The following PRSS35 variants were observed in gnomAD, a reference collection of about 807,000 sequenced individuals.
PRSS35 encodes the protein inactive serine protease 35.
Under a neutral mutation model 8.1 loss-of-function variants are expected in PRSS35, and 7 were observed. The ratio of observed to expected loss-of-function variants is 0.86; its 90% CI spans 0.49 to 1.62. The LOEUF is 1.62. Among genes scored for constraint, PRSS35 ranks in the 40% most tolerant of loss-of-function variants. The probability of loss-of-function intolerance (pLI) is 0.00; values close to 1 mark genes in which losing one functional copy is unlikely to be tolerated. For missense variants in PRSS35, 566 were observed against 518.0 expected, an observed-to-expected ratio of 1.09 and a Z score of -0.90; for synonymous variants, 199 against 188.7, an observed-to-expected ratio of 1.05 and a Z score of -0.45.
chr6:83,517,279 T>A (rs1771740524), intron 1 of PRSS35, among the ~76,000 whole-genome samples: 2 of 152,214 alleles, frequency 1.3e-5, no homozygotes, highest in Admixed American at 1.3e-4. Context: ...ACTGCCCCCA[T>A]AATCATTGAA....
intron 1 of PRSS35, among the ~76,000 whole-genome samples, chr6:83,515,610 C>A (rs1466639280): frequency 6.6e-6 from 1 of 151,802 alleles, no homozygotes; most frequent in Non-Finnish European, 1.5e-5. Flanking sequence ...CTTAGGTGAT[C>A]CTCCCAACTC....
chr6:83,523,304 G>A, intron 1 of PRSS35, 118 bp from the exon 2 acceptor site: 1 of 749,870 alleles, frequency 1.3e-6, no homozygotes, highest in South Asian at 1.9e-5. Context: ...TAGGTAAGGT[G>A]AAAATAAGGA....
rs1287467578 is a variant in PRSS35, at chr6:83,521,297, G to A, written c.-20-2125G>A. Among the ~76,000 whole-genome samples the A allele has an allele frequency of 4.0e-5, 6 of 151,776 alleles. No homozygotes were observed. The South Asian group carries it at 6.2e-4, about 16-fold the overall frequency. ...AAGCGCTCAGTAGAGTTACTGAGTTGTGAGCCTTTTTCATTCTAATTAAAT... is the reference window on the plus strand; with the variant it reads ...AAGCGCTCAGTAGAGTTACTGAGTTATGAGCCTTTTTCATTCTAATTAAAT... On this transcript the variant is annotated intron_variant, in intron 1 of 1. Coordinates refer to ENST00000369700, the MANE Select transcript of PRSS35 (RefSeq NM_153362.3).
intron 1 of PRSS35, among the ~76,000 whole-genome samples, 176 bp from the exon 2 acceptor site, chr6:83,523,246 A>G (rs1195148632): frequency 1.3e-5 from 2 of 152,128 alleles, no homozygotes; most frequent in African/African-American, 4.8e-5. Flanking sequence ...TGATTTTGGA[A>G]GTCTGTGTGA....
Position 83,524,646 on chromosome 6 carries a change from G to A in PRSS35, c.1205G>A (p.Trp402Ter). 2 of 1,612,964 alleles carry A rather than the reference G, an allele frequency of 1.2e-6. No individual in the cohort carries two copies. The highest frequency in any genetic ancestry group is 2.2e-5 in the South Asian group (2 of 90,764). ...CTAAAATACGCCCAGATTTGCCTCTGGATTCACGGGAACGATGCCAATTGT... is the reference window on the plus strand; with the variant it reads ...CTAAAATACGCCCAGATTTGCCTCTAGATTCACGGGAACGATGCCAATTGT... ...TPLKYAQICL[W>*]IHGNDANCAY... Residue 402 changes from tryptophan to a stop codon, truncating the protein, a stop_gained, in exon 2 of 2, where the codon TGG (tryptophan) becomes TAG (stop). Coordinates refer to ENST00000369700, the MANE Select transcript of PRSS35 (RefSeq NM_153362.3). LOFTEE classifies it high-confidence loss of function.
chr6:83,521,189 C>T (rs1282463609), intron 1 of PRSS35, among the ~76,000 whole-genome samples: 2 of 151,894 alleles, frequency 1.3e-5, no homozygotes, highest in East Asian at 3.9e-4. Flanking sequence ...TGTTGATAAG[C>T]TAAGTAGCAG....
rs777273680 is a variant in PRSS35, at chr6:83,524,335, G to C, written c.894G>C (p.Thr298=). ...KKYMELGISP[T]IKKMPGGMIH... ...ACATGGAACTTGGAATCAGCCCAAC[G>C]ATCAAGAAAATGCCTGGTGGAATGA... is the stretch of plus-strand genomic sequence containing the variant. The change falls in exon 2 of 2, where the codon ACG becomes ACC. Residue 298 remains threonine, a synonymous_variant. Transcript: ENST00000369700. The C allele has an allele frequency of 6.2e-7, 1 of 1,614,150 alleles. No homozygotes were observed. The highest frequency in any genetic ancestry group is 1.7e-5 in the Admixed American group (1 of 60,016).
At position 83,524,776 on chromosome 6, in the gene PRSS35, A is replaced by T. The variant is rs1347929834; in HGVS notation, c.*93A>T. On this transcript the variant is annotated 3_prime_UTR_variant, in exon 2 of 2. Transcript: ENST00000369700. ...AGATCACTTCATAGGTTATGCCTGG[A>T]CTTGAACTCTGTCAATAGCATTTCA... The T allele has an allele frequency of 2.3e-6, 3 of 1,281,378 alleles. No homozygotes were observed. The highest frequency in any genetic ancestry group is 3.2e-6 in the Non-Finnish European group (3 of 940,704). 79.4% of individuals were successfully genotyped at this position (1,281,378 alleles called of 1,614,324 possible). A position where few individuals can be genotyped will look rare whatever the true frequency, so the allele number is the denominator to read the frequency against.
At chr6:83,516,787 C>T (rs1161073858) in intron 1 of PRSS35, among the ~76,000 whole-genome samples, 1 of 152,220 alleles carries the variant, frequency 6.6e-6, no homozygotes, top group East Asian at 1.9e-4. Flanking sequence ...CTCTGGCCTC[C>T]GCTTACATCT....
At chr6:83,519,393 C>T (rs893584782) in intron 1 of PRSS35, among the ~76,000 whole-genome samples, 18 of 152,058 alleles carry the variant, frequency 1.2e-4, no homozygotes, top group African/African-American at 4.1e-4. Flanking sequence ...GTGAAGGTCA[C>T]AGTTATATTG....
chr6:83,521,509 T>TC (rs1253368153), intron 1 of PRSS35, among the ~76,000 whole-genome samples: 5 of 36,910 alleles, frequency 1.4e-4, no homozygotes, highest in East Asian at 1.3e-3. Context: ...TTCCCTCACC[T>TC]CCCCCCCTCC....
intron 1 of PRSS35, among the ~76,000 whole-genome samples, chr6:83,520,934 A>G (rs512140): frequency 0.77 from 117,053 of 152,020 alleles, 45,495 homozygotes; most frequent in East Asian, 0.88. Context: ...AGTACCAAGC[A>G]TTAAGATATA....
chr6:83,525,209 G>C lies in PRSS35; in HGVS notation c.*526G>C, dbSNP rs535226415. ...AATGTTTATATTGTGTTATCTGTTGGGTCTGGGACATTTAGTTTAGTTTTT... is the reference window on the plus strand; with the variant it reads ...AATGTTTATATTGTGTTATCTGTTGCGTCTGGGACATTTAGTTTAGTTTTT... On this transcript the variant is annotated 3_prime_UTR_variant, in exon 2 of 2. Transcript: ENST00000369700. 6.0e-6 allele frequency: 1 copy of C among 167,038 alleles called. No homozygotes were observed. The highest frequency in any genetic ancestry group is 1.5e-5 in the Non-Finnish European group (1 of 68,236). 10.3% of individuals were successfully genotyped at this position (167,038 alleles called of 1,614,324 possible). A position where few individuals can be genotyped will look rare whatever the true frequency, so the allele number is the denominator to read the frequency against.
chr6:83,517,865 A>G (rs1380275153), intron 1 of PRSS35, among the ~76,000 whole-genome samples: 3 of 152,204 alleles, frequency 2.0e-5, no homozygotes, highest in East Asian at 3.8e-4. Flanking sequence ...TGTTGGCCCT[A>G]TGGGGTCATT....
At chr6:83,517,966 G>A (rs1771752917) in intron 1 of PRSS35, among the ~76,000 whole-genome samples, 1 of 152,132 alleles carries the variant, frequency 6.6e-6, no homozygotes, top group Non-Finnish European at 1.5e-5. Flanking sequence ...AACATGCTAT[G>A]TACATAAATA....
intron 1 of PRSS35, among the ~76,000 whole-genome samples, chr6:83,516,450 C>A (rs1771717374): frequency 6.6e-6 from 1 of 151,728 alleles, no homozygotes; most frequent in African/African-American, 2.4e-5. Flanking sequence ...GTGGCGGGCG[C>A]CTGTAGTCCC....
At chr6:83,513,114 A>C (rs1307838343) in intron 1 of PRSS35, among the ~76,000 whole-genome samples, 1 of 152,134 alleles carries the variant, frequency 6.6e-6, no homozygotes, top group South Asian at 2.1e-4. Context: ...GGAGCATAGG[A>C]AAACGTTTAG....
At chr6:83,522,474 A>T (rs536783573) in intron 1 of PRSS35, among the ~76,000 whole-genome samples, 1 of 152,292 alleles carries the variant, frequency 6.6e-6, no homozygotes, top group Admixed American at 6.5e-5. Context: ...GGCACCTTTA[A>T]CAATATTTAA....
chr6:83,516,683 T>C (rs1483762513), intron 1 of PRSS35, among the ~76,000 whole-genome samples: 1 of 152,032 alleles, frequency 6.6e-6, no homozygotes, highest in African/African-American at 2.4e-5. Context: ...TTTTCATTTA[T>C]GTTCCTCCTT....
Sources: gnomAD v4.1 joint callset for allele counts (sites outside exome capture counted in the v4.1 genomes callset) on GRCh38, gnomAD v4.1.1 for gene constraint, MANE v1.5 for transcripts, NCBI Gene and HGNC (gene_info 2026-07-23, HGNC 2026-07-21) for gene names.